The following TP53BP1 variants were observed in gnomAD, a reference collection of about 807,000 sequenced individuals.
TP53BP1 encodes the protein TP53-binding protein 1.
TP53BP1 carries 61 observed loss-of-function variants against 200.8 expected under a neutral mutation model. The ratio of observed to expected loss-of-function variants is 0.30; its 90% CI spans 0.25 to 0.38. The LOEUF is 0.38. Among genes scored for constraint, TP53BP1 ranks in the 10% least tolerant of loss-of-function variants. The probability of loss-of-function intolerance (pLI) is 1.00; values close to 1 mark genes in which losing one functional copy is unlikely to be tolerated. For synonymous variants in TP53BP1, 822 were observed against 844.3 expected (o/e 0.97, Z 0.46); for missense variants, 2,144 against 2,371.9 (o/e 0.90, Z 2.00).
intron 3 of TP53BP1, 26 bp from the exon 4 acceptor site, chr15:43,491,779 A>G: frequency 6.4e-7 from 1 of 1,569,624 alleles, no homozygotes; most frequent in Non-Finnish European, 8.8e-7. Context: ...GGATATTAGC[A>G]TGAAAGACAT....
chr15:43,420,780 A>C, intron 20 of TP53BP1, 45 bp from the exon 21 acceptor site: 1 of 1,540,532 alleles, frequency 6.5e-7, no homozygotes, highest in Non-Finnish European at 8.8e-7. Context: ...GAACAAGAAC[A>C]CAGAAGTATA....
At chr15:43,415,203 T>TC in intron 23 of TP53BP1, 1 of 150,376 alleles carries the variant, frequency 6.6e-6, no homozygotes, top group South Asian at 1.5e-4. Context: ...CCTGGCCTTC[T>TC]TTTTTTTTTT....
At position 43,409,834 on chromosome 15, in the gene TP53BP1, C is replaced by G; in HGVS notation, c.5306-93G>C. The G allele has an allele frequency of 5.2e-6, 3 of 580,014 alleles. No homozygotes were observed. In the East Asian group the frequency reaches 9.4e-5, roughly 18 times the overall value. 35.9% of individuals were successfully genotyped at this position (580,014 alleles called of 1,614,324 possible). ...CTTCTTACTGCCCCCTTTTCCACTC[C>G]CCAGCTATCCACAACAGTGTGTCCC... On this transcript the variant is annotated intron_variant, in intron 24 of 27. Transcript: ENST00000382044.
At chr15:43,461,625 T>C (rs1176327611) in intron 11 of TP53BP1, among the ~76,000 whole-genome samples, 2 of 152,154 alleles carry the variant, frequency 1.3e-5, no homozygotes, top group African/African-American at 4.8e-5. Flanking sequence ...ATTTGGGCTA[T>C]AGAAAGAAGT....
chr15:43,470,195 A>G (rs2046692096), intron 10 of TP53BP1, 129 bp from the exon 11 acceptor site: 2 of 774,224 alleles, frequency 2.6e-6, no homozygotes, highest in East Asian at 5.2e-5. Context: ...ATTTTTCAGA[A>G]AAGCTGACAG....
chr15:43,409,375 CTAATAGG>C, intron 25 of TP53BP1: 1 of 566,350 alleles, frequency 1.8e-6, no homozygotes, highest in Non-Finnish European at 3.1e-6. Context: ...ATCAGCAACC[CTAATAGG>C]GGTTTCTACT....
upstream of TP53BP1, among the ~76,000 whole-genome samples, chr15:43,493,342 A>G (rs1328090408): frequency 1.3e-5 from 2 of 152,142 alleles, no homozygotes; most frequent in Non-Finnish European, 2.9e-5. Flanking sequence ...GTAGAGCCGG[A>G]GAATGACGGT....
In TP53BP1 at chr15:43,413,304, G is replaced by A. The variant is rs1449753520; in HGVS notation, c.5120C>T (p.Pro1707Leu). The A allele has an allele frequency of 1.9e-6, 3 of 1,613,962 alleles. No homozygotes were observed. Among genetic ancestry groups the A allele is most frequent in the Non-Finnish European group, 2.5e-6 (3 of 1,180,014 alleles). ...GAVGAGEFVSPCESGDNTGEP... is the reference protein window; with the variant it reads ...GAVGAGEFVSLCESGDNTGEP... ...ACCGGTGTTGTCTCCACTCTCACAG[G>A]GGCTCACAAACTCTCCTGCCCCTAC... The change falls in exon 24 of 28, where the codon CCC becomes CTC. Residue 1707 changes from proline (P) to leucine (L), a missense_variant. By Grantham distance (98) the Pro-to-Leu change is moderately conservative. Coordinates refer to ENST00000382044, the MANE Select transcript of TP53BP1 (RefSeq NM_001141980.3).
At chr15:43,503,131 T>A (rs2140180649) in intron 1 of TP53BP1, among the ~76,000 whole-genome samples, 1 of 152,364 alleles carries the variant, frequency 6.6e-6, no homozygotes, top group East Asian at 1.9e-4. Flanking sequence ...TAGAGTTTGA[T>A]GAGTTCAATA....
At chr15:43,429,387 C>A (rs1412017625) in intron 17 of TP53BP1, among the ~76,000 whole-genome samples, 1 of 152,178 alleles carries the variant, frequency 6.6e-6, no homozygotes, top group Admixed American at 6.5e-5. Flanking sequence ...CTCCCTCCTA[C>A]ACCCCACTAA....
intron 25 of TP53BP1, 150 bp downstream of exon 25, chr15:43,409,497 T>A (rs954478559): frequency 5.8e-6 from 3 of 521,018 alleles, no homozygotes; most frequent in Non-Finnish European, 1.0e-5. Context: ...AAAATTCTAT[T>A]TCATGCAAAA....
intron 24 of TP53BP1, among the ~76,000 whole-genome samples, chr15:43,411,274 T>C (rs1170902525): frequency 6.6e-6 from 1 of 152,234 alleles, no homozygotes; most frequent in Non-Finnish European, 1.5e-5. Context: ...CCCAGCCAGA[T>C]GCTAAAATGA....
intron 20 of TP53BP1, 46 bp from the exon 21 acceptor site, chr15:43,420,781 C>G: frequency 6.5e-7 from 1 of 1,540,278 alleles, no homozygotes; most frequent in Non-Finnish European, 8.8e-7. Context: ...AACAAGAACA[C>G]AGAAGTATAT....
At chr15:43,407,775 C>G in intron 27 of TP53BP1, 168 bp downstream of exon 27, 1 of 790,394 alleles carries the variant, frequency 1.3e-6, no homozygotes, top group Non-Finnish European at 2.0e-6. Context: ...AAATATACGT[C>G]CAGTGCTTCA....
intron 18 of TP53BP1, among the ~76,000 whole-genome samples, chr15:43,424,067 A>C (rs766973585): frequency 6.6e-6 from 1 of 152,234 alleles, no homozygotes; most frequent in Non-Finnish European, 1.5e-5. Flanking sequence ...CAACAGATCC[A>C]AAACAATCTG....
intron 17 of TP53BP1, among the ~76,000 whole-genome samples, chr15:43,428,741 A>G (rs1356564487): frequency 6.6e-6 from 1 of 152,236 alleles, no homozygotes; most frequent in Non-Finnish European, 1.5e-5. Context: ...GATTATGACT[A>G]AAGAGTTGAG....
chr15:43,505,274 AC>A (rs1405293140), intron 1 of TP53BP1, among the ~76,000 whole-genome samples: 1 of 152,242 alleles, frequency 6.6e-6, no homozygotes, highest in Admixed American at 6.5e-5. Flanking sequence ...TAATTCACAC[AC>A]AGGTATGGCC....
intron 1 of TP53BP1, among the ~76,000 whole-genome samples, chr15:43,506,219 G>C (rs958130076): frequency 1.3e-5 from 2 of 152,138 alleles, no homozygotes; most frequent in Admixed American, 1.3e-4. Flanking sequence ...GCAACTAATT[G>C]CAAGTAAAGC....
At chr15:43,415,358 G>C (rs1016971534) in intron 23 of TP53BP1, 3 of 609,974 alleles carry the variant, frequency 4.9e-6, no homozygotes. Flanking sequence ...ACAGGCGCCC[G>C]CCACCACACT....
Sources: gnomAD v4.1 joint callset for allele counts (sites outside exome capture counted in the v4.1 genomes callset) on GRCh38, gnomAD v4.1.1 for gene constraint, MANE v1.5 for transcripts, NCBI Gene and HGNC (gene_info 2026-07-23, HGNC 2026-07-21) for gene names.